Variants in RYR3 observed in about 807,000 individuals in gnomAD.
RYR3 encodes brain ryanodine receptor-calcium release channel.
In RYR3, 207 loss-of-function variants were observed where a neutral mutation model predicts 584.3. That is an observed-to-expected ratio of 0.35 (90% confidence interval 0.32 to 0.40). The LOEUF is 0.40. Ranked by LOEUF, RYR3 falls within the 10% of genes least tolerant of loss-of-function variation. RYR3 has a pLI of 1.00. For missense variants in RYR3, 5,616 were observed against 6,089.2 expected (o/e 0.92, Z 2.59); for synonymous variants, 2,416 against 2,248.5 (o/e 1.07, Z -2.11).
rs1042210884 is a variant in RYR3, at chr15:33,630,124, C to T, written c.2783+81C>T. On this transcript the variant is annotated intron_variant, in intron 22 of 103. Coordinates refer to ENST00000634891, the MANE Select transcript of RYR3 (RefSeq NM_001036.6). ...TTATAACTAAACTGCAAAGATATGT[C>T]TCTTGCCTGAAAACGTGGCACATTC... 1.9e-5 allele frequency: 14 copies of T among 740,740 alleles called. No individual in the cohort carries two copies. In the African/African-American group the frequency reaches 2.5e-4, roughly 13 times the overall value. The allele number at this position is 740,740 out of a possible 1,614,324, so 45.9% of individuals were successfully genotyped here. A position where few individuals can be genotyped will look rare whatever the true frequency, so the allele number is the denominator to read the frequency against.
chr15:33,332,214 TAAAC>T (rs982463541), intron 1 of RYR3, among the ~76,000 whole-genome samples: 2 of 152,102 alleles, frequency 1.3e-5, no homozygotes, highest in Non-Finnish European at 2.9e-5. Context: ...AATGGATACA[TAAAC>T]AAATTCATAA....
chr15:33,571,571 C>A (rs1460455980), intron 12 of RYR3, among the ~76,000 whole-genome samples: 1 of 151,968 alleles, frequency 6.6e-6, no homozygotes, highest in Non-Finnish European at 1.5e-5. Context: ...TCTTTATGAA[C>A]AGTTTTGTCT....
At chr15:33,406,197 A>G (rs1301056448) in intron 1 of RYR3, among the ~76,000 whole-genome samples, 1 of 152,218 alleles carries the variant, frequency 6.6e-6, no homozygotes, top group Non-Finnish European at 1.5e-5. Flanking sequence ...TGTCATGGGT[A>G]CATGGAAATA....
intron 2 of RYR3, among the ~76,000 whole-genome samples, chr15:33,489,287 TAC>T (rs1380463614): frequency 1.3e-5 from 2 of 152,232 alleles, no homozygotes; most frequent in African/African-American, 4.8e-5. Context: ...GGGTTTGTTG[TAC>T]AGAGTATTTC....
At chr15:33,583,017 A>G (rs1259647100) in intron 14 of RYR3, among the ~76,000 whole-genome samples, 1 of 151,336 alleles carries the variant, frequency 6.6e-6, no homozygotes, top group Non-Finnish European at 1.5e-5. Context: ...GTAAAACTCA[A>G]ATGACAGCAT....
intron 86 of RYR3, among the ~76,000 whole-genome samples, chr15:33,833,054 C>T (rs1030487879): frequency 2.0e-5 from 3 of 150,330 alleles, no homozygotes; most frequent in Non-Finnish European, 2.9e-5. Flanking sequence ...CATAGGACCA[C>T]GTAGGCTATG....
At chr15:33,757,906 G>A (rs965405682) in intron 60 of RYR3, 3 of 329,396 alleles carry the variant, frequency 9.1e-6, no homozygotes, top group African/African-American at 2.1e-5. Flanking sequence ...GACCAACGCA[G>A]AAGGAGAGTG....
intron 1 of RYR3, among the ~76,000 whole-genome samples, chr15:33,385,862 C>G (rs2041567915): frequency 6.6e-6 from 1 of 151,910 alleles, no homozygotes; most frequent in African/African-American, 2.4e-5. Context: ...CACCACCAAG[C>G]CTGGCTAATT....
intron 1 of RYR3, among the ~76,000 whole-genome samples, chr15:33,384,289 A>G (rs1370115521): frequency 4.6e-5 from 7 of 152,048 alleles, no homozygotes; most frequent in African/African-American, 1.7e-4. Flanking sequence ...CGAAAAGGTA[A>G]AGTGGATGAA....
At chr15:33,750,997 T>G (rs971374923) in intron 57 of RYR3, among the ~76,000 whole-genome samples, 11 of 152,184 alleles carry the variant, frequency 7.2e-5, no homozygotes, top group African/African-American at 2.7e-4. Flanking sequence ...TGGTTTTCAG[T>G]TCTTGTGTTA....
intron 45 of RYR3, among the ~76,000 whole-genome samples, chr15:33,725,154 T>TACACAC (rs58951939): frequency 0.017 from 1,925 of 113,826 alleles, 44 homozygotes; most frequent in African/African-American, 0.035. Context: ...TCCAACACCT[T>TACACAC]ACACACACAC....
At chr15:33,599,256 C>G in intron 16 of RYR3, among the ~76,000 whole-genome samples, 1 of 152,172 alleles carries the variant, frequency 6.6e-6, no homozygotes, top group East Asian at 1.9e-4. Flanking sequence ...AGGATCCCCC[C>G]TGTGGTTACC....
chr15:33,499,638 CT>C (rs1397816669), intron 2 of RYR3, among the ~76,000 whole-genome samples: 1 of 152,136 alleles, frequency 6.6e-6, no homozygotes, highest in Non-Finnish European at 1.5e-5. Context: ...CTATTTTAAG[CT>C]GTTTAAGTAA....
intron 39 of RYR3, among the ~76,000 whole-genome samples, 172 bp downstream of exon 39, chr15:33,696,663 C>T (rs1005749763): frequency 6.6e-6 from 1 of 152,224 alleles, no homozygotes; most frequent in Non-Finnish European, 1.5e-5. Context: ...GACCCAACTA[C>T]TCACAGTGAA....
At chr15:33,698,054 G>A (rs1325376872) in intron 40 of RYR3, 58 bp downstream of exon 40, 2 of 1,161,840 alleles carry the variant, frequency 1.7e-6, no homozygotes, top group East Asian at 4.7e-5. Context: ...AGCACGAGGT[G>A]ACTTGTTCAG....
intron 69 of RYR3, among the ~76,000 whole-genome samples, chr15:33,803,425 C>G (rs934004164): frequency 1.3e-5 from 2 of 152,208 alleles, no homozygotes; most frequent in African/African-American, 4.8e-5. Flanking sequence ...TCTTAAGTTG[C>G]CTCTGCAGGT....
intron 3 of RYR3, among the ~76,000 whole-genome samples, chr15:33,519,861 A>G (rs747782902): frequency 6.6e-6 from 1 of 152,074 alleles, no homozygotes; most frequent in African/African-American, 2.4e-5. Flanking sequence ...TCTCCACCCA[A>G]GGCTACTTCA....
intron 1 of RYR3, among the ~76,000 whole-genome samples, chr15:33,469,215 A>G (rs1187721277): frequency 6.6e-6 from 1 of 152,182 alleles, no homozygotes; most frequent in East Asian, 1.9e-4. Context: ...TAATATATGG[A>G]CATGGAAAAC....
intron 6 of RYR3, among the ~76,000 whole-genome samples, chr15:33,540,469 T>G (rs2141145240): frequency 6.6e-6 from 1 of 152,202 alleles, no homozygotes; most frequent in South Asian, 2.1e-4. Context: ...GGCCAAGTGT[T>G]GGGTAATTTT....
Sources: gnomAD v4.1 joint callset for allele counts (sites outside exome capture counted in the v4.1 genomes callset) on GRCh38, gnomAD v4.1.1 for gene constraint, MANE v1.5 for transcripts, NCBI Gene and HGNC (gene_info 2026-07-23, HGNC 2026-07-21) for gene names.